Variants in ALK observed in about 807,000 individuals in gnomAD.
The protein encoded by ALK is ALK tyrosine kinase receptor.
Under a neutral mutation model 163.1 loss-of-function variants are expected in ALK, and 74 were observed. The observed-to-expected ratio is 0.45, with a 90% CI of 0.38 to 0.55. The LOEUF (loss-of-function observed/expected upper bound fraction) is 0.55. ALK is among the 20% of genes least tolerant of loss of function. ALK has a pLI of 0.00. For missense variants in ALK, 2,063 were observed against 2,105.3 expected (o/e 0.98, Z 0.39); for synonymous variants, 960 against 843.2 (o/e 1.14, Z -2.40).
intron 1 of ALK, among the ~76,000 whole-genome samples, chr2:29,896,479 C>T (rs1345179034): frequency 6.6e-6 from 1 of 152,132 alleles, no homozygotes; most frequent in Non-Finnish European, 1.5e-5. Context: ...ACAGGATTCA[C>T]ATCCTTATAA....
chr2:29,746,071 A>T lies in ALK; in HGVS notation c.668-28374T>A, dbSNP rs556029476. 3.9e-5 allele frequency among the ~76,000 whole-genome samples: 6 copies of T among 152,288 alleles called. No homozygotes were observed. The East Asian group carries it at 1.2e-3, about 29-fold the overall frequency. On this transcript the variant is annotated intron_variant, in intron 1 of 28. Coordinates refer to ENST00000389048, the MANE Select transcript of ALK (RefSeq NM_004304.5). Reference sequence around the variant, plus strand: ...CTGTTCCTTACAACAACCCTGTGACATAGGTATTACAATTATTCCCACTTT... The same window carrying T: ...CTGTTCCTTACAACAACCCTGTGACTTAGGTATTACAATTATTCCCACTTT...
chr2:29,484,946 A>G (rs1159705545), intron 4 of ALK, among the ~76,000 whole-genome samples: 2 of 152,040 alleles, frequency 1.3e-5, no homozygotes, highest in Non-Finnish European at 2.9e-5. Flanking sequence ...AAAATATTCT[A>G]CTAGCTTTTA....
At chr2:29,408,896 C>T (rs1432062365) in intron 4 of ALK, among the ~76,000 whole-genome samples, 2 of 152,210 alleles carry the variant, frequency 1.3e-5, no homozygotes, top group Non-Finnish European at 2.9e-5. Context: ...AAGAACAGAA[C>T]TTGCTGATTT....
intron 26 of ALK, among the ~76,000 whole-genome samples, chr2:29,201,188 A>C (rs1043553888): frequency 2.6e-5 from 4 of 152,056 alleles, no homozygotes; most frequent in African/African-American, 9.7e-5. Context: ...TTAAATGTCC[A>C]TCCAGTGGAT....
chr2:29,502,688 A>AT (rs56894924), intron 4 of ALK, among the ~76,000 whole-genome samples: 7,808 of 149,900 alleles, frequency 0.052, 582 homozygotes, highest in African/African-American at 0.17. Flanking sequence ...TGGGGCACAT[A>AT]TTTTTTTTTT....
chr2:29,426,297 G>A (rs1488692735), intron 4 of ALK, among the ~76,000 whole-genome samples: 2 of 152,100 alleles, frequency 1.3e-5, no homozygotes, highest in Non-Finnish European at 2.9e-5. Context: ...CAGGTAGGAG[G>A]GGGTCAGGAA....
chr2:29,496,165 C>T (rs1369812809), intron 4 of ALK, among the ~76,000 whole-genome samples: 1 of 152,154 alleles, frequency 6.6e-6, no homozygotes, highest in African/African-American at 2.4e-5. Context: ...TTATAAAATG[C>T]AAAAGATTAT....
chr2:29,356,651 T>C (rs1668254040), intron 5 of ALK, among the ~76,000 whole-genome samples: 1 of 152,180 alleles, frequency 6.6e-6, no homozygotes, highest in African/African-American at 2.4e-5. Context: ...TCAAACTTGT[T>C]CCACTCCTGC....
At chr2:29,831,096 G>A (rs191197940) in intron 1 of ALK, among the ~76,000 whole-genome samples, 1 of 55,408 alleles carries the variant, frequency 1.8e-5, no homozygotes, top group African/African-American at 8.5e-5. Context: ...GGAGGAGGAG[G>A]AGGAGGAGGA....
At chr2:29,332,796 A>G (rs1222660650) in intron 5 of ALK, among the ~76,000 whole-genome samples, 7 of 152,218 alleles carry the variant, frequency 4.6e-5, no homozygotes. Flanking sequence ...TAGTCTGTTT[A>G]TGATGACGCT....
intron 3 of ALK, among the ~76,000 whole-genome samples, chr2:29,680,244 G>A (rs1183523509): frequency 3.3e-5 from 5 of 151,530 alleles, no homozygotes; most frequent in Non-Finnish European, 7.4e-5. Flanking sequence ...GCAAGTTTTA[G>A]GCCATTATTT....
At chr2:29,774,900 T>A (rs960253823) in intron 1 of ALK, among the ~76,000 whole-genome samples, 69 of 152,348 alleles carry the variant, frequency 4.5e-4, no homozygotes, top group African/African-American at 1.6e-3. Context: ...CCAAAAGGGA[T>A]GATTCTAAAA....
intron 1 of ALK, among the ~76,000 whole-genome samples, chr2:29,846,130 C>T (rs1427162291): frequency 2.0e-5 from 3 of 152,176 alleles, no homozygotes; most frequent in Non-Finnish European, 4.4e-5. Flanking sequence ...CCCTGCCAAT[C>T]TCTCTGATCT....
intron 1 of ALK, among the ~76,000 whole-genome samples, chr2:29,723,182 T>C (rs1245861356): frequency 6.6e-6 from 1 of 152,160 alleles, no homozygotes; most frequent in African/African-American, 2.4e-5. Context: ...CTAACCTCAT[T>C]TGCAACCATT....
intron 3 of ALK, among the ~76,000 whole-genome samples, chr2:29,683,103 A>G (rs549724944): frequency 1.3e-5 from 2 of 152,284 alleles, no homozygotes; most frequent in African/African-American, 4.8e-5. Context: ...AAGGCTGGGC[A>G]TGGTGGCTCA....
At chr2:29,393,938 C>A (rs140040595) in intron 4 of ALK, among the ~76,000 whole-genome samples, 1 of 152,134 alleles carries the variant, frequency 6.6e-6, no homozygotes. Flanking sequence ...CTTAAAAACC[C>A]GGAAAGTCTC....
intron 4 of ALK, among the ~76,000 whole-genome samples, chr2:29,519,823 T>C (rs943471777): frequency 6.6e-6 from 1 of 152,192 alleles, no homozygotes; most frequent in Non-Finnish European, 1.5e-5. Flanking sequence ...AGACTGCCGA[T>C]TAGAATTTCA....
At chr2:29,707,173 T>C (rs1481593351) in intron 2 of ALK, among the ~76,000 whole-genome samples, 2 of 152,142 alleles carry the variant, frequency 1.3e-5, no homozygotes, top group African/African-American at 2.4e-5. Flanking sequence ...CTCTGAGCAA[T>C]GTGGCATCCA....
At chr2:29,282,171 G>A (rs1665734239) in intron 9 of ALK, among the ~76,000 whole-genome samples, 1 of 152,176 alleles carries the variant, frequency 6.6e-6, no homozygotes, top group Non-Finnish European at 1.5e-5. Flanking sequence ...GCTTGTCTGG[G>A]CCCTGGCTGC....
Sources: allele counts gnomAD v4.1 joint callset (sites outside exome capture counted in the v4.1 genomes callset), GRCh38; gene constraint gnomAD v4.1.1; transcripts MANE v1.5; gene names NCBI Gene and HGNC (gene_info 2026-07-23, HGNC 2026-07-21).